HDAC9: variants seen among roughly 807,000 people sequenced by gnomAD.
The protein encoded by HDAC9 is MEF-2 interacting transcription repressor (MITR) protein.
A neutral mutation model predicts 139.4 loss-of-function variants in HDAC9; 41 were observed. The ratio of observed to expected loss-of-function variants is 0.29; its 90% confidence interval spans 0.23 to 0.38. The LOEUF (loss-of-function observed/expected upper bound fraction) is 0.38. HDAC9 is among the 10% of genes least tolerant of loss of function. The pLI is 1.00. For synonymous variants in HDAC9, 517 were observed against 476.2 expected (o/e 1.09, Z -1.12); for missense variants, 1,147 against 1,297.0 (o/e 0.88, Z 1.78).
intron 1 of HDAC9, among the ~76,000 whole-genome samples, chr7:18,486,111 G>A (rs1430525682): frequency 6.6e-6 from 1 of 152,068 alleles, no homozygotes; most frequent in Non-Finnish European, 1.5e-5. Flanking sequence ...GGCTAGATTT[G>A]CTTTTATAAC....
rs1053389705 is a variant in HDAC9 at position 18,997,794 on chromosome 7, T to C, written c.*1732T>C. 2 of 152,162 alleles carry C rather than the reference T, an allele frequency of 1.3e-5. No homozygotes were observed. Among genetic ancestry groups the C allele is most frequent in the Non-Finnish European group, 2.9e-5 (2 of 67,994 alleles). The allele number at this position is 152,162 out of a possible 1,614,324, so 9.4% of individuals were successfully genotyped here. ...ACCATATTTTTCATGCATTTGGTTT[T>C]TTTAGGATTACCATTTTAATTTTAA... On this transcript the variant is annotated 3_prime_UTR_variant, in exon 26 of 26. Transcript: ENST00000686413.
At chr7:18,954,841 A>C (rs985416870) in intron 24 of HDAC9, among the ~76,000 whole-genome samples, 3 of 152,000 alleles carry the variant, frequency 2.0e-5, no homozygotes, top group African/African-American at 7.2e-5. Context: ...GAACAGGAAA[A>C]CCCTTAGGTT....
intron 2 of HDAC9, among the ~76,000 whole-genome samples, chr7:18,258,602 C>T (rs887429866): frequency 1.3e-5 from 2 of 152,116 alleles, no homozygotes; most frequent in African/African-American, 2.4e-5. Flanking sequence ...TTTCTATTCT[C>T]TAGATTTTAT....
chr7:18,919,756 A>G (rs1358438388), intron 22 of HDAC9, among the ~76,000 whole-genome samples: 1 of 151,998 alleles, frequency 6.6e-6, no homozygotes, highest in Admixed American at 6.6e-5. Context: ...AGCAAATCAA[A>G]ATCTGACTGT....
At chr7:18,802,487 T>C (rs1302367473) in intron 17 of HDAC9, among the ~76,000 whole-genome samples, 2 of 151,914 alleles carry the variant, frequency 1.3e-5, no homozygotes, top group Admixed American at 6.5e-5. Flanking sequence ...CCACATATTA[T>C]TGAGTGTAAT....
At chr7:18,673,407 G>T (rs964710438) in intron 12 of HDAC9, among the ~76,000 whole-genome samples, 1 of 152,004 alleles carries the variant, frequency 6.6e-6, no homozygotes, top group Non-Finnish European at 1.5e-5. Flanking sequence ...CCTATTGAAC[G>T]TTTAAATGTG....
At chr7:18,370,664 T>G (rs1431484417) in intron 1 of HDAC9, among the ~76,000 whole-genome samples, 2 of 152,208 alleles carry the variant, frequency 1.3e-5, no homozygotes, top group Non-Finnish European at 2.9e-5. Context: ...TTTATTTGAC[T>G]TTTATCTAGC....
rs1306102385 is a variant in HDAC9, at chr7:18,998,045, G to A, written c.*1983G>A. 2 of 152,034 alleles carry A rather than the reference G, an allele frequency of 1.3e-5. No individual in the cohort carries two copies. The highest frequency in any genetic ancestry group is 3.8e-4 in the East Asian group (2 of 5,200). The allele number at this position is 152,034 out of a possible 1,614,324, so 9.4% of individuals were successfully genotyped here. On this transcript the variant is annotated 3_prime_UTR_variant, in exon 26 of 26. Transcript: ENST00000686413. ...ATACCAATCATATTTGCTAGCTTAT[G>A]TTATTTTGCAGTGATTGCTTGAGGA...
At chr7:18,118,667 C>T (rs1340694375) in intron 1 of HDAC9, among the ~76,000 whole-genome samples, 2 of 152,110 alleles carry the variant, frequency 1.3e-5, no homozygotes, top group African/African-American at 4.8e-5. Context: ...ATTATTACTC[C>T]ACACCCTACA....
rs576589495 is a variant in HDAC9 at position 18,499,697 on chromosome 7, G to C, written c.22+3373G>C. On this transcript the variant is annotated intron_variant, in intron 2 of 25. Coordinates refer to ENST00000686413, the MANE Select transcript of HDAC9 (RefSeq NM_178425.4). The stretch of plus-strand genomic sequence containing the variant: ...ACAATTATTATGAAGGAATTTCCTA[G>C]AGTTTGTACAGAAGTAATGTAAGAT... Among the ~76,000 whole-genome samples the C allele has an allele frequency of 8.5e-5, 13 of 152,294 alleles. 1 individual carries two copies. The South Asian group carries it at 2.7e-3, about 32-fold the overall frequency.
chr7:18,097,813 G>A (rs560879757), intron 1 of HDAC9, among the ~76,000 whole-genome samples: 1 of 152,176 alleles, frequency 6.6e-6, no homozygotes, highest in South Asian at 2.1e-4. Flanking sequence ...CTGGCCTCAA[G>A]TGATCCTCTG....
chr7:18,411,010 T>G (rs1034648736), intron 1 of HDAC9, among the ~76,000 whole-genome samples: 3 of 152,236 alleles, frequency 2.0e-5, no homozygotes, highest in African/African-American at 7.2e-5. Context: ...AAATCATTTC[T>G]TGCCAAGTGA....
chr7:18,671,192 A>G (rs17139554), intron 12 of HDAC9, among the ~76,000 whole-genome samples: 3,320 of 152,062 alleles, frequency 0.022, 107 homozygotes, highest in African/African-American at 0.064. Flanking sequence ...AATAATTTTG[A>G]CTTAAGTAGT....
At chr7:18,988,643 G>C (rs1585496183) in intron 25 of HDAC9, among the ~76,000 whole-genome samples, 1 of 152,088 alleles carries the variant, frequency 6.6e-6, no homozygotes, top group African/African-American at 2.4e-5. Context: ...TCATTGATCT[G>C]TCTAATGTTG....
intron 22 of HDAC9, among the ~76,000 whole-genome samples, chr7:18,921,791 C>A (rs371776149): frequency 6.6e-6 from 1 of 151,914 alleles, no homozygotes; most frequent in Non-Finnish European, 1.5e-5. Flanking sequence ...ATGTTTATTG[C>A]GGCACTATTC....
chr7:18,343,754 A>G (rs1782191724), intron 1 of HDAC9, among the ~76,000 whole-genome samples: 1 of 151,820 alleles, frequency 6.6e-6, no homozygotes, highest in Non-Finnish European at 1.5e-5. Context: ...CATAGATTTT[A>G]TGGGTACTGA....
At chr7:18,314,996 G>A (rs1046642937) in intron 1 of HDAC9, among the ~76,000 whole-genome samples, 1 of 152,098 alleles carries the variant, frequency 6.6e-6, no homozygotes, top group Non-Finnish European at 1.5e-5. Context: ...CAGCAACGTG[G>A]TTGAAAAACC....
At chr7:18,977,738 G>A (rs747868314) in intron 25 of HDAC9, among the ~76,000 whole-genome samples, 20 of 152,190 alleles carry the variant, frequency 1.3e-4, no homozygotes, top group Non-Finnish European at 2.2e-4. Context: ...ATCACTTTTA[G>A]ACAGATTATA....
chr7:18,298,434 C>T (rs1015894539), intron 1 of HDAC9, among the ~76,000 whole-genome samples: 3 of 152,044 alleles, frequency 2.0e-5, no homozygotes, highest in Admixed American at 6.6e-5. Flanking sequence ...TATCCCTCCC[C>T]GCTCCCCACC....
Sources: allele counts gnomAD v4.1 joint callset (sites outside exome capture counted in the v4.1 genomes callset), GRCh38; gene constraint gnomAD v4.1.1; transcripts MANE v1.5; gene names NCBI Gene and HGNC (gene_info 2026-07-23, HGNC 2026-07-21).